Variants in KLF15 observed in about 807,000 individuals in gnomAD.
KLF15 encodes the protein Krueppel-like factor 15.
In KLF15, 4 loss-of-function variants were observed where a neutral mutation model predicts 24.6. The observed-to-expected ratio is 0.16, with a 90% CI of 0.08 to 0.37. The LOEUF (loss-of-function observed/expected upper bound fraction) is 0.37. KLF15 is among the 10% of genes least tolerant of loss of function. KLF15 has a pLI of 1.00. For synonymous variants in KLF15, 246 were observed against 236.3 expected, an observed-to-expected ratio of 1.04 and a Z score of -0.37; for missense variants, 496 against 560.6, an observed-to-expected ratio of 0.88 and a Z score of 1.16.
At chr3:126,290,315 C>T in the KLF15 span, among the ~76,000 whole-genome samples, 1 of 152,216 alleles carries the variant, frequency 6.6e-6, no homozygotes. Context: ...TGCTTGGATG[C>T]AGACAGGCAA....
At chr3:126,306,582 C>T in the KLF15 span, among the ~76,000 whole-genome samples, 6,276 of 152,300 alleles carry the variant, frequency 0.041, 227 homozygotes, top group Admixed American at 0.11. Flanking sequence ...CACATGCACA[C>T]GTGAATACAT....
At chr3:126,329,524 C>A in the KLF15 span, among the ~76,000 whole-genome samples, 2 of 152,240 alleles carry the variant, frequency 1.3e-5, no homozygotes, top group Non-Finnish European at 1.5e-5. Flanking sequence ...TAAAACAAAA[C>A]CAAACAATTT....
At chr3:126,322,341 G>T in the KLF15 span, among the ~76,000 whole-genome samples, 1 of 152,176 alleles carries the variant, frequency 6.6e-6, no homozygotes, top group Admixed American at 6.5e-5. Flanking sequence ...GGGAAACTCC[G>T]TCTCCTGTGC....
Position 126,352,546 on chromosome 3 carries a change from G to A in KLF15, c.377C>T (p.Pro126Leu). ...TGGGACGTCATCAGGATCACCCAAAGGAAACTCGGGCAAGCAGAAATGCTC... is the reference window on the plus strand; with the variant it reads ...TGGGACGTCATCAGGATCACCCAAAAGAAACTCGGGCAAGCAGAAATGCTC... ...KGEHFCLPEFPLGDPDDVPRP... is the reference protein window; with the variant it reads ...KGEHFCLPEFLLGDPDDVPRP... The change falls in exon 2 of 3, where the codon CCT (proline) becomes CTT (leucine). Residue 126 changes from proline to leucine, a missense_variant. Around this residue, in one of 3 missense-constraint regions of KLF15, gnomAD observed 399 missense variants for 423.1 expected, o/e 0.94. Coordinates refer to ENST00000296233, the MANE Select transcript of KLF15 (RefSeq NM_014079.4). 2 of 1,612,962 alleles carry A rather than the reference G, an allele frequency of 1.2e-6. No homozygotes were observed. The highest frequency in any genetic ancestry group is 1.7e-6 in the Non-Finnish European group (2 of 1,180,012).
the KLF15 span, among the ~76,000 whole-genome samples, chr3:126,308,826 G>A: frequency 6.6e-6 from 1 of 152,200 alleles, no homozygotes; most frequent in Non-Finnish European, 1.5e-5. Flanking sequence ...GCTGAGAAGT[G>A]TGCAGACAGA....
intron 2 of KLF15, among the ~76,000 whole-genome samples, chr3:126,344,653 A>G (rs1225148879): frequency 6.6e-6 from 1 of 152,220 alleles, no homozygotes; most frequent in African/African-American, 2.4e-5. Flanking sequence ...AGGCCTGTAC[A>G]GGACCGCCCA....
At chr3:126,326,792 AATT>A in the KLF15 span, among the ~76,000 whole-genome samples, 2 of 152,228 alleles carry the variant, frequency 1.3e-5, no homozygotes, top group African/African-American at 2.4e-5. Context: ...TAAATCAATT[AATT>A]ATTAACTAGA....
At chr3:126,290,549 T>TTC in the KLF15 span, 8 of 152,056 alleles carry the variant, frequency 5.3e-5, no homozygotes, top group Admixed American at 3.3e-4. Flanking sequence ...CCTTCCTTCC[T>TTC]CTGTCTCACA....
chr3:126,351,581 C>A (rs375079766), intron 2 of KLF15, among the ~76,000 whole-genome samples: 5 of 152,284 alleles, frequency 3.3e-5, no homozygotes, highest in African/African-American at 1.2e-4. Flanking sequence ...GATGGGGAGA[C>A]CCAGCTGGCA....
the KLF15 span, among the ~76,000 whole-genome samples, chr3:126,331,060 G>C: frequency 2.0e-5 from 3 of 152,198 alleles, no homozygotes; most frequent in African/African-American, 7.2e-5. Context: ...TCAGGAGTCT[G>C]AGGGCAGCAC....
chr3:126,355,458 C>T (rs957768010), intron 1 of KLF15, among the ~76,000 whole-genome samples: 9 of 152,202 alleles, frequency 5.9e-5, no homozygotes, highest in South Asian at 2.1e-4. Context: ...ACTGCCCTGG[C>T]TCTTCCCCCA....
the KLF15 span, among the ~76,000 whole-genome samples, chr3:126,317,281 G>T: frequency 2.0e-5 from 3 of 152,208 alleles, no homozygotes; most frequent in African/African-American, 7.2e-5. Flanking sequence ...GAGCAGGGCA[G>T]GAGAGGGCCT....
At chr3:126,334,048 A>C in the KLF15 span, among the ~76,000 whole-genome samples, 35 of 152,150 alleles carry the variant, frequency 2.3e-4, no homozygotes, top group South Asian at 2.1e-4. Context: ...CCAGGAATTG[A>C]ACTCAGCTCT....
At chr3:126,288,571 G>A in the KLF15 span, among the ~76,000 whole-genome samples, 1 of 152,228 alleles carries the variant, frequency 6.6e-6, no homozygotes, top group Non-Finnish European at 1.5e-5. Context: ...CTGTACCAGC[G>A]GCCTCCCGGA....
At chr3:126,312,199 T>C in the KLF15 span, among the ~76,000 whole-genome samples, 2 of 152,090 alleles carry the variant, frequency 1.3e-5, no homozygotes, top group South Asian at 4.2e-4. Flanking sequence ...TTTTTTAGAG[T>C]TAGGGTCTTG....
the KLF15 span, among the ~76,000 whole-genome samples, chr3:126,299,566 A>G: frequency 2.0e-5 from 3 of 151,698 alleles, no homozygotes; most frequent in African/African-American, 4.8e-5. Context: ...TGGCTAAAAC[A>G]GTGAAACCCC....
chr3:126,308,080 G>A, the KLF15 span, among the ~76,000 whole-genome samples: 21 of 152,262 alleles, frequency 1.4e-4, no homozygotes, highest in East Asian at 1.4e-3. Context: ...TGGCTGGGAC[G>A]GGGGCACCTT....
the KLF15 span, among the ~76,000 whole-genome samples, chr3:126,310,578 C>A: frequency 6.6e-6 from 1 of 152,158 alleles, no homozygotes. Context: ...CCTCACGGCT[C>A]TGGAGGCTGG....
the KLF15 span, among the ~76,000 whole-genome samples, chr3:126,328,331 A>G: frequency 6.6e-6 from 1 of 152,162 alleles, no homozygotes; most frequent in Admixed American, 6.5e-5. Flanking sequence ...CCACTCGTTG[A>G]CTGATGGGCT....
Sources: allele counts gnomAD v4.1 joint callset (sites outside exome capture counted in the v4.1 genomes callset), GRCh38; gene constraint gnomAD v4.1.1; regional missense constraint gnomAD v4.1.1; transcripts MANE v1.5; gene names NCBI Gene and HGNC (gene_info 2026-07-23, HGNC 2026-07-21).